IL1RAPL2: variants seen among roughly 807,000 people sequenced by gnomAD.
IL1RAPL2 encodes the protein interleukin 1 receptor accessory protein like 2, also known as X-linked interleukin-1 receptor accessory protein-like 2.
IL1RAPL2 carries 3 observed loss-of-function variants against 44.1 expected under a neutral mutation model. The ratio of observed to expected loss-of-function variants is 0.07; its 90% CI spans 0.03 to 0.18. The LOEUF (loss-of-function observed/expected upper bound fraction) is 0.18. Ranked by LOEUF, IL1RAPL2 falls within the 10% of genes least tolerant of loss-of-function variation. IL1RAPL2 has a pLI of 1.00. For synonymous variants in IL1RAPL2, 181 were observed against 178.8 expected, an observed-to-expected ratio of 1.01 and a Z score of -0.10; for missense variants, 391 against 496.4, an observed-to-expected ratio of 0.79 and a Z score of 2.02.
intron 5 of IL1RAPL2, among the ~76,000 whole-genome samples, chrX:105,395,418 T>C (rs2035554997): frequency 9.1e-6 from 1 of 110,317 alleles, no homozygotes; most frequent in Admixed American, 9.7e-5. Flanking sequence ...AAACTCATTT[T>C]AGAGATGAGT....
At chrX:105,418,041 T>TA (rs2147744137) in intron 5 of IL1RAPL2, among the ~76,000 whole-genome samples, 1 of 111,710 alleles carries the variant, frequency 9.0e-6, no homozygotes, top group African/African-American at 3.2e-5. Flanking sequence ...TCTGCCCACT[T>TA]ACAGCATTTT....
At chrX:105,705,902 TAGAG>T (rs1290905054) in intron 6 of IL1RAPL2, among the ~76,000 whole-genome samples, 9 of 111,620 alleles carry the variant, frequency 8.1e-5, no homozygotes, top group African/African-American at 2.9e-4. Flanking sequence ...AAATACAAAA[TAGAG>T]AGATCACTGT....
chrX:104,720,332 G>T (rs1215804774), intron 2 of IL1RAPL2, among the ~76,000 whole-genome samples: 1 of 111,271 alleles, frequency 9.0e-6, no homozygotes, highest in Non-Finnish European at 1.9e-5. Flanking sequence ...AAATATTGGG[G>T]CTTTTCAGTC....
At chrX:105,616,216 A>ATGC (rs2147829060) in intron 6 of IL1RAPL2, among the ~76,000 whole-genome samples, 1 of 112,167 alleles carries the variant, frequency 8.9e-6, no homozygotes, top group African/African-American at 3.2e-5. Flanking sequence ...AATATGCATG[A>ATGC]GCAAGAGTGC....
intron 6 of IL1RAPL2, among the ~76,000 whole-genome samples, chrX:105,695,801 A>T (rs1225749310): frequency 8.9e-6 from 1 of 112,082 alleles, no homozygotes. Context: ...AAGTGTCTTG[A>T]CCAAATACCC....
intron 2 of IL1RAPL2, among the ~76,000 whole-genome samples, chrX:104,895,829 C>T (rs1168748452): frequency 1.8e-5 from 2 of 111,844 alleles, no homozygotes; most frequent in African/African-American, 6.5e-5. Flanking sequence ...TGAGATGAAC[C>T]TGGTACCTCA....
chrX:105,055,278 C>A (rs2031978255), intron 2 of IL1RAPL2, among the ~76,000 whole-genome samples: 1 of 111,462 alleles, frequency 9.0e-6, no homozygotes, highest in Admixed American at 9.5e-5. Context: ...GGACACTAAT[C>A]CTATTAATGA....
At chrX:105,067,785 GCA>G (rs1270183691) in intron 2 of IL1RAPL2, among the ~76,000 whole-genome samples, 4 of 111,308 alleles carry the variant, frequency 3.6e-5, no homozygotes, top group Non-Finnish European at 5.7e-5. Context: ...ACACACGCGT[GCA>G]CACACACGCG....
At position 104,730,809 on chromosome X, in the gene IL1RAPL2, C is replaced by T. The variant is rs1185168124; in HGVS notation, c.82+71814C>T. 2.7e-5 allele frequency among the ~76,000 whole-genome samples: 3 copies of T among 110,401 alleles called. No individual in the cohort carries two copies. In the Admixed American group the frequency reaches 2.9e-4, roughly 11 times the overall value. On this transcript the variant is annotated intron_variant, in intron 2 of 10. Coordinates refer to ENST00000372582, the MANE Select transcript of IL1RAPL2 (RefSeq NM_017416.2). ...TGAGGAATCGCCACACTGACTTCCACAATGGTTGAACTAGTTTACAGTCCC... is the reference window on the plus strand; with the variant it reads ...TGAGGAATCGCCACACTGACTTCCATAATGGTTGAACTAGTTTACAGTCCC...
intron 2 of IL1RAPL2, among the ~76,000 whole-genome samples, chrX:105,115,321 G>C (rs1357525093): frequency 1.8e-5 from 2 of 111,522 alleles, no homozygotes; most frequent in African/African-American, 6.5e-5. Flanking sequence ...AGTGTGGACG[G>C]GGACCAGAAC....
intron 2 of IL1RAPL2, among the ~76,000 whole-genome samples, chrX:105,028,886 T>C (rs1383939376): frequency 3.6e-5 from 4 of 110,843 alleles, no homozygotes; most frequent in African/African-American, 1.3e-4. Flanking sequence ...TTTATATATA[T>C]GAGGGGTTAC....
At chrX:105,466,928 C>T (rs770391151) in intron 5 of IL1RAPL2, among the ~76,000 whole-genome samples, 1 of 111,464 alleles carries the variant, frequency 9.0e-6, no homozygotes, top group Non-Finnish European at 1.9e-5. Context: ...TCACAAAAGA[C>T]AGCCAAACCC....
chrX:104,667,773 C>T (rs772802287), intron 2 of IL1RAPL2, among the ~76,000 whole-genome samples: 2 of 111,399 alleles, frequency 1.8e-5, no homozygotes, highest in Non-Finnish European at 3.8e-5. Context: ...TTCAGATGAT[C>T]GACTGATTCC....
intron 2 of IL1RAPL2, among the ~76,000 whole-genome samples, chrX:105,053,640 A>G (rs1275966578): frequency 8.9e-6 from 1 of 111,905 alleles, no homozygotes; most frequent in Admixed American, 9.5e-5. Context: ...ATGTTCATCA[A>G]TAGATTCTTG....
intron 2 of IL1RAPL2, among the ~76,000 whole-genome samples, chrX:105,065,406 T>C (rs2032125497): frequency 8.9e-6 from 1 of 111,927 alleles, no homozygotes; most frequent in East Asian, 2.8e-4. Context: ...TCAAATACTA[T>C]AATTGGCATC....
At chrX:105,035,140 T>C (rs1217834809) in intron 2 of IL1RAPL2, among the ~76,000 whole-genome samples, 1 of 111,633 alleles carries the variant, frequency 9.0e-6, no homozygotes, top group Non-Finnish European at 1.9e-5. Context: ...GTGCCGTCTG[T>C]CACCCCTTTC....
intron 2 of IL1RAPL2, among the ~76,000 whole-genome samples, chrX:104,807,708 G>T (rs1932932768): frequency 9.0e-6 from 1 of 110,592 alleles, no homozygotes; most frequent in Non-Finnish European, 1.9e-5. Flanking sequence ...ACAAAAATAG[G>T]ATTCCACTAT....
At chrX:105,584,009 G>A (rs750830805) in intron 6 of IL1RAPL2, among the ~76,000 whole-genome samples, 1 of 112,107 alleles carries the variant, frequency 8.9e-6, no homozygotes, top group East Asian at 2.8e-4. Context: ...TTATTTAGAA[G>A]TATGTTGTTA....
intron 1 of IL1RAPL2, among the ~76,000 whole-genome samples, chrX:104,628,655 C>T (rs989870614): frequency 1.8e-5 from 2 of 111,638 alleles, no homozygotes; most frequent in African/African-American, 6.5e-5. Flanking sequence ...GATAAACACC[C>T]AGTAGTGGAT....
Sources: allele counts gnomAD v4.1 joint callset (sites outside exome capture counted in the v4.1 genomes callset), GRCh38; gene constraint gnomAD v4.1.1; transcripts MANE v1.5; gene names NCBI Gene and HGNC (gene_info 2026-07-23, HGNC 2026-07-21).